CTNNAL1: variants seen among roughly 807,000 people sequenced by gnomAD.
CTNNAL1 encodes catenin alpha like 1.
CTNNAL1 carries 69 observed loss-of-function variants against 93.6 expected under a neutral mutation model. The ratio of observed to expected loss-of-function variants is 0.74; its 90% CI spans 0.61 to 0.90. The LOEUF (loss-of-function observed/expected upper bound fraction) is 0.90, where lower values mean the gene tolerates loss of function less well. Among genes scored for constraint, CTNNAL1 ranks in the 40% least tolerant of loss-of-function variants. CTNNAL1 has a pLI of 0.00. For missense variants in CTNNAL1, 836 were observed against 862.0 expected (o/e 0.97, Z 0.38); for synonymous variants, 286 against 305.4 (o/e 0.94, Z 0.66).
intron 17 of CTNNAL1, among the ~76,000 whole-genome samples, 174 bp from the exon 18 acceptor site, chr9:108,943,218 G>A (rs1281279213): frequency 6.6e-6 from 1 of 152,154 alleles, no homozygotes; most frequent in East Asian, 1.9e-4. Flanking sequence ...CAGGTGCAGG[G>A]GTAGCTGCCT....
At chr9:108,983,755 G>A (rs28361129) in intron 5 of CTNNAL1, among the ~76,000 whole-genome samples, 2,723 of 152,276 alleles carry the variant, frequency 0.018, 32 homozygotes, top group Non-Finnish European at 0.025. Flanking sequence ...TGGGTTCCAC[G>A]AAGTCTGTTT....
rs753648978 is a variant in CTNNAL1, at chr9:108,983,188, T to C, written c.857A>G (p.Asp286Gly). 1.3e-6 allele frequency: 2 copies of C among 1,571,764 alleles called. No individual in the cohort carries two copies. Among genetic ancestry groups the C allele is most frequent in the African/African-American group, 2.7e-5 (2 of 73,144 alleles). Residue 286 changes from aspartate (D) to glycine (G), a missense_variant, in exon 6 of 19, where the codon GAC becomes GGC. Transcript: ENST00000325551. ...AGTAAAAATACTGATAGATGAAATG[T>C]CAGTCTCTCCATTCGGTTTACAGTC... ...VTDCKPNGET[D>G]ISSISIFTGI...
chr9:109,006,758 T>C (rs1484756512), intron 1 of CTNNAL1, among the ~76,000 whole-genome samples: 2 of 152,182 alleles, frequency 1.3e-5, no homozygotes, highest in Admixed American at 1.3e-4. Context: ...TGATAGCTTC[T>C]AACAAAGGGT....
intron 11 of CTNNAL1, among the ~76,000 whole-genome samples, chr9:108,965,058 C>G (rs961178725): frequency 1.1e-4 from 17 of 152,092 alleles, no homozygotes; most frequent in African/African-American, 4.1e-4. Context: ...CAGGGTTTCA[C>G]CATGTTGGCC....
At chr9:109,013,234 C>G in intron 1 of CTNNAL1, 68 bp downstream of exon 1, 1 of 1,402,008 alleles carries the variant, frequency 7.1e-7, no homozygotes, top group Non-Finnish European at 9.3e-7. Flanking sequence ...TCCGGTCGTG[C>G]GAGCGGCGGC....
intron 1 of CTNNAL1, among the ~76,000 whole-genome samples, chr9:109,003,570 G>T (rs958685355): frequency 3.3e-5 from 5 of 152,152 alleles, no homozygotes; most frequent in African/African-American, 4.8e-5. Context: ...GGCAACATTT[G>T]CCCAGGAGGA....
At chr9:108,970,792 C>T (rs1831091515) in intron 9 of CTNNAL1, among the ~76,000 whole-genome samples, 1 of 151,726 alleles carries the variant, frequency 6.6e-6, no homozygotes, top group African/African-American at 2.4e-5. Flanking sequence ...GTAGTGCCCA[C>T]ATATTTTATA....
At chr9:108,951,796 A>T (rs1830572548) in intron 14 of CTNNAL1, among the ~76,000 whole-genome samples, 1 of 152,222 alleles carries the variant, frequency 6.6e-6, no homozygotes, top group Non-Finnish European at 1.5e-5. Context: ...TTGGCACGCT[A>T]TTGACATAGT....
At position 108,970,398 on chromosome 9, in the gene CTNNAL1, A is replaced by C. The variant is rs367756083; in HGVS notation, c.1440+4T>G. ...ACAGAAGGAGCAATCTGCTATTATC[A>C]TACCTGTTGGCCAGTCACCTGAAAT... is the stretch of plus-strand genomic sequence containing the variant. On this transcript the variant is annotated splice_donor_region_variant and intron_variant, in intron 10 of 18. Coordinates refer to ENST00000325551, the MANE Select transcript of CTNNAL1 (RefSeq NM_003798.4). 22 of 1,608,902 alleles carry C rather than the reference A, an allele frequency of 1.4e-5. No homozygotes were observed. In the African/African-American group the frequency reaches 2.8e-4, roughly 21 times the overall value.
intron 10 of CTNNAL1, among the ~76,000 whole-genome samples, chr9:108,970,083 C>T (rs1268067437): frequency 6.6e-6 from 1 of 152,200 alleles, no homozygotes; most frequent in Non-Finnish European, 1.5e-5. Flanking sequence ...GTGAATATTA[C>T]ATAACATATG....
At chr9:108,995,535 A>T (rs1051882579) in intron 2 of CTNNAL1, among the ~76,000 whole-genome samples, 23 of 152,220 alleles carry the variant, frequency 1.5e-4, no homozygotes, top group Non-Finnish European at 2.8e-4. Flanking sequence ...TTCCCTAAAA[A>T]AGTAACAAAG....
intron 1 of CTNNAL1, among the ~76,000 whole-genome samples, chr9:109,009,598 T>C (rs981116170): frequency 6.6e-6 from 1 of 152,208 alleles, no homozygotes; most frequent in Admixed American, 6.5e-5. Context: ...TCTTAATTAC[T>C]ATAGTTTTAT....
intron 9 of CTNNAL1, among the ~76,000 whole-genome samples, chr9:108,970,967 G>C (rs1234833881): frequency 6.6e-6 from 1 of 152,124 alleles, no homozygotes. Context: ...AATAAGGACA[G>C]ACCCTATATC....
intron 7 of CTNNAL1, among the ~76,000 whole-genome samples, chr9:108,977,907 C>A (rs1831309072): frequency 1.3e-5 from 2 of 152,074 alleles, no homozygotes; most frequent in African/African-American, 4.8e-5. Context: ...AAAATTCTTG[C>A]AGACAAAGAT....
chr9:108,988,175 C>T (rs1245818653), intron 4 of CTNNAL1, among the ~76,000 whole-genome samples: 2 of 152,156 alleles, frequency 1.3e-5, no homozygotes, highest in Admixed American at 6.5e-5. Flanking sequence ...CCTCTGCTTC[C>T]CAGGTTCAAG....
intron 4 of CTNNAL1, among the ~76,000 whole-genome samples, chr9:108,989,123 A>T (rs1014114076): frequency 6.6e-6 from 1 of 152,178 alleles, no homozygotes; most frequent in Non-Finnish European, 1.5e-5. Flanking sequence ...GAAAAATAAA[A>T]TGTTCTCCAT....
rs376425494 is a variant in CTNNAL1, at chr9:109,011,534, T to C, written c.141+1768A>G. Among the ~76,000 whole-genome samples, 1,135 of 152,324 alleles carry C rather than the reference T, an allele frequency of 7.5e-3. 15 individuals carry two copies. The highest frequency in any genetic ancestry group is 0.026 in the African/African-American group (1,080 of 41,562). ...AGACTGATACATTTTTAGCAGTGGA[T>C]ACTGTGAAAAGTTGCCATTTCTCCA... On this transcript the variant is annotated intron_variant, in intron 1 of 18. Transcript: ENST00000325551.
intron 4 of CTNNAL1, among the ~76,000 whole-genome samples, chr9:108,988,862 G>A (rs1831695873): frequency 6.6e-6 from 1 of 152,160 alleles, no homozygotes; most frequent in Admixed American, 6.5e-5. Context: ...AATATTTGCT[G>A]AGAAAACTGA....
At chr9:108,943,356 T>A (rs1830303130) in intron 17 of CTNNAL1, among the ~76,000 whole-genome samples, 1 of 152,142 alleles carries the variant, frequency 6.6e-6, no homozygotes, top group African/African-American at 2.4e-5. Context: ...TCCTTTGCAA[T>A]TCCTTGCACT....
Sources: gnomAD v4.1 joint callset for allele counts (sites outside exome capture counted in the v4.1 genomes callset) on GRCh38, gnomAD v4.1.1 for gene constraint, MANE v1.5 for transcripts, NCBI Gene and HGNC (gene_info 2026-07-23, HGNC 2026-07-21) for gene names.